MYRIP: variants seen among roughly 807,000 people sequenced by gnomAD.
The protein encoded by MYRIP is rab effector MyRIP.
MYRIP carries 49 observed loss-of-function variants against 98.0 expected under a neutral mutation model. The observed-to-expected ratio is 0.50, with a 90% CI of 0.40 to 0.63. The LOEUF is 0.63. MYRIP is among the 30% of genes least tolerant of loss of function. MYRIP has a pLI of 0.00. For synonymous variants in MYRIP, 404 were observed against 409.5 expected (o/e 0.99, Z 0.16); for missense variants, 1,004 against 1,058.2 (o/e 0.95, Z 0.71).
chr3:40,018,152 G>A (rs1397142751), intron 2 of MYRIP, among the ~76,000 whole-genome samples: 2 of 152,014 alleles, frequency 1.3e-5, no homozygotes, highest in Non-Finnish European at 2.9e-5. Context: ...GCATTATCTT[G>A]GTCTCTGTCT....
At chr3:39,913,767 CTG>C (rs1944083664) in intron 2 of MYRIP, among the ~76,000 whole-genome samples, 1 of 152,184 alleles carries the variant, frequency 6.6e-6, no homozygotes, top group South Asian at 2.1e-4. Context: ...ATACAAGACT[CTG>C]TGACTAAAAA....
At chr3:39,956,094 C>T (rs1324334388) in intron 2 of MYRIP, among the ~76,000 whole-genome samples, 4 of 152,092 alleles carry the variant, frequency 2.6e-5, no homozygotes, top group African/African-American at 9.7e-5. Flanking sequence ...CTTTAACACC[C>T]CACTGTCAAC....
intron 5 of MYRIP, 68 bp from the exon 6 acceptor site, chr3:40,166,778 A>C: frequency 9.2e-7 from 1 of 1,083,686 alleles, no homozygotes; most frequent in Non-Finnish European, 1.4e-6. Flanking sequence ...TTTAAGCAGA[A>C]GAGCTTGAAC....
chr3:40,222,182 C>A (rs1952356305), intron 11 of MYRIP, among the ~76,000 whole-genome samples: 1 of 152,324 alleles, frequency 6.6e-6, no homozygotes. Flanking sequence ...CCCAGAGCAG[C>A]AGCTCAGAGG....
chr3:40,180,116 C>T (rs1488021510), intron 8 of MYRIP, among the ~76,000 whole-genome samples: 1 of 152,120 alleles, frequency 6.6e-6, no homozygotes, highest in African/African-American at 2.4e-5. Context: ...TTGCTGTGCC[C>T]TCAGAATGAA....
Position 40,190,389 on chromosome 3 carries a change from C to G in MYRIP, c.1591C>G (p.Arg531Gly), listed in dbSNP as rs751948342. 1.7e-5 allele frequency: 27 copies of G among 1,613,676 alleles called. No homozygotes were observed. In the Admixed American group the frequency reaches 4.0e-4, roughly 24 times the overall value. Residue 531 changes from arginine (R) to glycine (G), a missense_variant, in exon 10 of 17, where the codon CGA becomes GGA. Arg to Gly is a moderately radical substitution (Grantham distance 125, BLOSUM62 -2). Around this residue, in one of 3 missense-constraint regions of MYRIP, gnomAD observed 880 missense variants for 907.7 expected, o/e 0.97. Coordinates refer to ENST00000302541, the MANE Select transcript of MYRIP (RefSeq NM_015460.4). ...DRRARRWRRA[R>G]LGSEEPSKEP... The stretch of plus-strand genomic sequence containing the variant: ...GCGGGCCAGGAGGTGGAGAAGAGCC[C>G]GACTGGGCTCAGAAGAGCCAAGCAA...
intron 2 of MYRIP, among the ~76,000 whole-genome samples, chr3:39,935,534 A>C (rs1944636963): frequency 6.6e-6 from 1 of 152,098 alleles, no homozygotes; most frequent in South Asian, 2.1e-4. Flanking sequence ...TCCACTGAGG[A>C]CCTTGGCTCA....
intron 1 of MYRIP, among the ~76,000 whole-genome samples, chr3:39,826,303 C>T (rs1941265301): frequency 6.6e-6 from 1 of 151,888 alleles, no homozygotes; most frequent in African/African-American, 2.4e-5. Context: ...GCATTTATTG[C>T]TATGAACTTG....
intron 3 of MYRIP, among the ~76,000 whole-genome samples, chr3:40,129,384 T>C (rs1949588775): frequency 8.0e-6 from 1 of 124,860 alleles, no homozygotes; most frequent in Non-Finnish European, 1.6e-5. Flanking sequence ...GAGGTTGCAG[T>C]GAGCCGAGAT....
intron 2 of MYRIP, among the ~76,000 whole-genome samples, chr3:39,943,554 T>C (rs1276840750): frequency 6.6e-6 from 1 of 152,092 alleles, no homozygotes; most frequent in Non-Finnish European, 1.5e-5. Context: ...TGCTTTCCTG[T>C]CTGTTTTCCA....
At chr3:40,216,526 A>C (rs1223875312) in intron 11 of MYRIP, among the ~76,000 whole-genome samples, 1 of 152,206 alleles carries the variant, frequency 6.6e-6, no homozygotes, top group African/African-American at 2.4e-5. Context: ...CTAGCAAACT[A>C]AATTCCACAA....
intron 11 of MYRIP, among the ~76,000 whole-genome samples, chr3:40,215,762 A>G (rs945923334): frequency 6.6e-6 from 1 of 152,228 alleles, no homozygotes; most frequent in Non-Finnish European, 1.5e-5. Flanking sequence ...ACTTACTGCT[A>G]GAGTGAATAT....
intron 10 of MYRIP, among the ~76,000 whole-genome samples, chr3:40,201,542 A>G (rs1951559657): frequency 6.6e-6 from 1 of 152,176 alleles, no homozygotes; most frequent in South Asian, 2.1e-4. Flanking sequence ...ATTTCATAAC[A>G]TCCTTCACCA....
chr3:39,896,268 A>G (rs1943609282), intron 1 of MYRIP, among the ~76,000 whole-genome samples: 1 of 152,200 alleles, frequency 6.6e-6, no homozygotes, highest in East Asian at 1.9e-4. Flanking sequence ...GTTGGGTGGC[A>G]CGCCTGGTCC....
intron 3 of MYRIP, among the ~76,000 whole-genome samples, chr3:40,091,066 G>A (rs542426795): frequency 5.3e-5 from 8 of 152,328 alleles, no homozygotes; most frequent in African/African-American, 9.6e-5. Flanking sequence ...AGCCCTCTGC[G>A]CATCAAAGAG....
At chr3:40,122,807 C>T (rs1448553883) in intron 3 of MYRIP, among the ~76,000 whole-genome samples, 1 of 152,014 alleles carries the variant, frequency 6.6e-6, no homozygotes, top group Non-Finnish European at 1.5e-5. Flanking sequence ...GTGGCAGGCC[C>T]TATGCTTTGT....
At chr3:40,257,437 G>C (rs1305980711) in intron 16 of MYRIP, among the ~76,000 whole-genome samples, 1 of 152,176 alleles carries the variant, frequency 6.6e-6, no homozygotes, top group Admixed American at 6.5e-5. Context: ...TTTTGCATGA[G>C]TGAAAAATCA....
At chr3:39,974,510 C>T (rs981486477) in intron 2 of MYRIP, among the ~76,000 whole-genome samples, 2 of 152,104 alleles carry the variant, frequency 1.3e-5, no homozygotes, top group Non-Finnish European at 2.9e-5. Context: ...GAAACTATTC[C>T]AATCAATAGA....
intron 3 of MYRIP, among the ~76,000 whole-genome samples, chr3:40,117,439 C>A (rs543998276): frequency 2.6e-5 from 4 of 152,186 alleles, no homozygotes; most frequent in Non-Finnish European, 4.4e-5. Context: ...TTCTGCCCAT[C>A]ATTGATCCCT....
Sources: gnomAD v4.1 joint callset for allele counts (sites outside exome capture counted in the v4.1 genomes callset) on GRCh38, gnomAD v4.1.1 for gene constraint, gnomAD v4.1.1 regional missense constraint, MANE v1.5 for transcripts, NCBI Gene and HGNC (gene_info 2026-07-23, HGNC 2026-07-21) for gene names.